CDH12: variants seen among roughly 807,000 people sequenced by gnomAD.
CDH12 encodes cadherin-12.
CDH12 carries 41 observed loss-of-function variants against 74.1 expected under a neutral mutation model. That is an observed-to-expected ratio of 0.55 (90% CI 0.43 to 0.72). CDH12 has a LOEUF of 0.72. CDH12 is among the 30% of genes least tolerant of loss of function. The pLI is 0.00. For synonymous variants in CDH12, 399 were observed against 355.0 expected (o/e 1.12, Z -1.39); for missense variants, 945 against 977.2 (o/e 0.97, Z 0.44).
rs756967818 is a variant in CDH12, at chr5:21,752,024, A to G, written c.2098T>C (p.Leu700=). 10 of 1,614,034 alleles carry G rather than the reference A, an allele frequency of 6.2e-6. No homozygotes were observed. Among genetic ancestry groups the G allele is most frequent in the African/African-American group, 1.3e-5 (1 of 75,004 alleles). Residue 700 remains leucine (L), a synonymous_variant, in exon 15 of 15, where the codon TTA becomes CTA. Coordinates refer to ENST00000382254, the MANE Select transcript of CDH12 (RefSeq NM_004061.5). ...TCCATGGGTGGTCTCTGACGAGGTA[A>G]ACAGAGAGAGTCTGGTTTTATATCC... ...RRDIKPDSLC[L]PRQRPPMEDN... is the part of the protein sequence containing the mutation.
At chr5:22,331,140 T>C (rs1358809826) in intron 3 of CDH12, among the ~76,000 whole-genome samples, 2 of 152,156 alleles carry the variant, frequency 1.3e-5, no homozygotes, top group African/African-American at 4.8e-5. Context: ...CCCAGTAAAA[T>C]AGAATATCAG....
chr5:22,607,291 C>T (rs890837959), intron 1 of CDH12, among the ~76,000 whole-genome samples: 8 of 152,152 alleles, frequency 5.3e-5, no homozygotes, highest in African/African-American at 1.4e-4. Flanking sequence ...CAGAGACCTT[C>T]GCAGCAGCTC....
chr5:22,340,290 G>A (rs1403563672), intron 3 of CDH12, among the ~76,000 whole-genome samples: 1 of 152,158 alleles, frequency 6.6e-6, no homozygotes, highest in Non-Finnish European at 1.5e-5. Context: ...ACTTTGGGAG[G>A]CTGAGGTGGG....
chr5:22,590,647 TG>T (rs1740652832), intron 1 of CDH12, among the ~76,000 whole-genome samples: 1 of 152,222 alleles, frequency 6.6e-6, no homozygotes, highest in South Asian at 2.1e-4. Context: ...TACTTATTTA[TG>T]TGACAAGAAT....
chr5:22,479,836 T>C (rs965323533), intron 2 of CDH12, among the ~76,000 whole-genome samples: 2 of 152,182 alleles, frequency 1.3e-5, no homozygotes, highest in Non-Finnish European at 2.9e-5. Context: ...TTTACTGGCC[T>C]GTATGTAATT....
chr5:22,515,538 T>A (rs931124528), intron 1 of CDH12, among the ~76,000 whole-genome samples: 2 of 152,106 alleles, frequency 1.3e-5, no homozygotes, highest in Non-Finnish European at 2.9e-5. Flanking sequence ...TCATGATGCT[T>A]AAGTATTTCC....
chr5:21,895,497 C>T (rs181956410), intron 6 of CDH12, among the ~76,000 whole-genome samples: 31 of 152,300 alleles, frequency 2.0e-4, no homozygotes, highest in Non-Finnish European at 2.9e-5. Flanking sequence ...GCTGCTCTTC[C>T]ACAAGCAGTC....
intron 1 of CDH12, among the ~76,000 whole-genome samples, chr5:22,639,930 T>C (rs1017100756): frequency 3.9e-5 from 6 of 152,226 alleles, no homozygotes; most frequent in African/African-American, 7.2e-5. Context: ...CTGTCTTTTA[T>C]GTAATTTCTG....
chr5:22,386,343 C>G (rs1026455901), intron 3 of CDH12, among the ~76,000 whole-genome samples: 4 of 152,144 alleles, frequency 2.6e-5, no homozygotes, highest in African/African-American at 9.7e-5. Flanking sequence ...GTCAGAGACA[C>G]AAATCCAAGC....
intron 3 of CDH12, among the ~76,000 whole-genome samples, chr5:22,279,540 C>A (rs1580475316): frequency 6.6e-6 from 1 of 152,148 alleles, no homozygotes; most frequent in East Asian, 1.9e-4. Context: ...CCCCACCGCA[C>A]AACAGGTCCT....
At chr5:22,827,602 A>C (rs138491576) in intron 1 of CDH12, among the ~76,000 whole-genome samples, 1 of 152,200 alleles carries the variant, frequency 6.6e-6, no homozygotes, top group Admixed American at 6.5e-5. Flanking sequence ...TAGTCTGCCC[A>C]CTGAGGCCAG....
chr5:22,035,713 T>TACACACAC (rs149918147), intron 5 of CDH12, among the ~76,000 whole-genome samples: 174 of 143,346 alleles, frequency 1.2e-3, no homozygotes, highest in African/African-American at 2.8e-3. Flanking sequence ...ACTTCACACA[T>TACACACAC]ACACACACAC....
chr5:22,427,705 G>A (rs958884773), intron 2 of CDH12, among the ~76,000 whole-genome samples: 16 of 152,238 alleles, frequency 1.1e-4, no homozygotes, highest in Middle Eastern at 6.8e-3. Context: ...GTTAAAAAAG[G>A]TTGCTAGATA....
At chr5:21,863,871 A>G (rs1751184981) in intron 6 of CDH12, among the ~76,000 whole-genome samples, 1 of 152,178 alleles carries the variant, frequency 6.6e-6, no homozygotes, top group South Asian at 2.1e-4. Flanking sequence ...ACAAAAAGAG[A>G]GAGATTTCAT....
At chr5:22,740,709 A>G (rs898036678) in intron 1 of CDH12, among the ~76,000 whole-genome samples, 1 of 152,112 alleles carries the variant, frequency 6.6e-6, no homozygotes, top group African/African-American at 2.4e-5. Flanking sequence ...CCTTCCATAG[A>G]TGTTTTAAAA....
chr5:22,375,130 G>A (rs1741465425), intron 3 of CDH12, among the ~76,000 whole-genome samples: 1 of 151,994 alleles, frequency 6.6e-6, no homozygotes, highest in Admixed American at 6.6e-5. Flanking sequence ...AGAATAAAGA[G>A]TCCAGAAATA....
intron 11 of CDH12, among the ~76,000 whole-genome samples, chr5:21,773,953 C>T (rs1473564090): frequency 6.6e-6 from 1 of 152,048 alleles, no homozygotes; most frequent in East Asian, 1.9e-4. Context: ...CTATGTTAGG[C>T]ATAATTATGA....
chr5:22,578,358 T>C (rs1242949433), intron 1 of CDH12, among the ~76,000 whole-genome samples: 1 of 142,792 alleles, frequency 7.0e-6, no homozygotes, highest in East Asian at 2.1e-4. Context: ...ATATGAACTA[T>C]TAATATTTTA....
chr5:22,296,954 A>T (rs1051454350), intron 3 of CDH12, among the ~76,000 whole-genome samples: 2 of 151,888 alleles, frequency 1.3e-5, no homozygotes, highest in Admixed American at 1.3e-4. Flanking sequence ...AAAAGAAAAC[A>T]GTTATCACAC....
Sources: allele counts gnomAD v4.1 joint callset (sites outside exome capture counted in the v4.1 genomes callset), GRCh38; gene constraint gnomAD v4.1.1; transcripts MANE v1.5; gene names NCBI Gene and HGNC (gene_info 2026-07-23, HGNC 2026-07-21).